The following KATNAL1 variants were observed in gnomAD, a reference collection of about 807,000 sequenced individuals.
KATNAL1 encodes the protein katanin p60 ATPase-containing subunit A-like 1.
In KATNAL1, 32 loss-of-function variants were observed where a neutral mutation model predicts 55.2. The observed-to-expected ratio is 0.58, with a 90% CI of 0.44 to 0.78. The LOEUF is 0.78. KATNAL1 is among the 30% of genes least tolerant of loss of function. The probability of loss-of-function intolerance (pLI) is 0.00; values close to 1 mark genes in which losing one functional copy is unlikely to be tolerated. For synonymous variants in KATNAL1, 193 were observed against 193.6 expected, an observed-to-expected ratio of 1.00 and a Z score of 0.02; for missense variants, 466 against 600.9, an observed-to-expected ratio of 0.78 and a Z score of 2.35.
At chr13:30,277,955 C>A (rs964210984) in intron 3 of KATNAL1, among the ~76,000 whole-genome samples, 1 of 126,470 alleles carries the variant, frequency 7.9e-6, no homozygotes, top group Non-Finnish European at 1.6e-5. Flanking sequence ...TGCACTCCAG[C>A]CTGGGGGACA....
intron 1 of KATNAL1, among the ~76,000 whole-genome samples, chr13:30,306,471 G>A (rs1422549096): frequency 6.6e-6 from 1 of 151,930 alleles, no homozygotes; most frequent in Non-Finnish European, 1.5e-5. Context: ...GTGGGGTGGA[G>A]CACTCATTTC....
intron 9 of KATNAL1, among the ~76,000 whole-genome samples, chr13:30,222,060 A>C (rs1428707369): frequency 6.6e-6 from 1 of 152,168 alleles, no homozygotes; most frequent in Admixed American, 6.5e-5. Flanking sequence ...TCAGAAAGAA[A>C]AAAGAAAAAG....
At chr13:30,220,019 AC>A (rs1874686585) in intron 9 of KATNAL1, among the ~76,000 whole-genome samples, 1 of 152,234 alleles carries the variant, frequency 6.6e-6, no homozygotes, top group Non-Finnish European at 1.5e-5. Flanking sequence ...AGTTCAAAAA[AC>A]AAAAGTTTGA....
intron 3 of KATNAL1, among the ~76,000 whole-genome samples, chr13:30,274,901 GCGCGCGCACACACACACACACACACA>G (rs1283704548): frequency 1.1e-4 from 12 of 111,470 alleles, no homozygotes; most frequent in Admixed American, 7.4e-4. Flanking sequence ...ACGCGCGCGC[GCGCGCGCACACACACACACACACACA>G]CACACACACA....
At position 30,223,553 on chromosome 13, in the gene KATNAL1, G is replaced by A. The variant is rs554966590; in HGVS notation, c.1147+3859C>T. Among the ~76,000 whole-genome samples the A allele has an allele frequency of 5.3e-5, 8 of 151,508 alleles. No individual in the cohort carries two copies. The South Asian group carries it at 1.0e-3, about 20-fold the overall frequency. ...ACAACAACAATAGGAAAAGAAAGAC[G>A]GTAAGGCTAAATTAAAAGCAGTCAA... is the stretch of plus-strand genomic sequence containing the variant. On this transcript the variant is annotated intron_variant, in intron 9 of 10. Transcript: ENST00000380615.
intron 1 of KATNAL1, among the ~76,000 whole-genome samples, chr13:30,298,718 G>A (rs1264914283): frequency 1.3e-5 from 2 of 152,126 alleles, no homozygotes; most frequent in African/African-American, 4.8e-5. Context: ...TCAGTGGACT[G>A]AGGAAGCAAG....
At position 30,274,891 on chromosome 13, in the gene KATNAL1, A is replaced by ACATACGCGCG. The variant is rs55740915; in HGVS notation, c.323+5171_323+5172insCGCGCGTATG. Among the ~76,000 whole-genome samples the ACATACGCGCG allele has an allele frequency of 6.2e-3, 753 of 121,530 alleles. 5 individuals are homozygous for ACATACGCGCG. The highest frequency in any genetic ancestry group is 0.015 in the Admixed American group (178 of 11,714). The allele number at this position is 121,530 out of a possible 152,430, so 79.7% of individuals were successfully genotyped here. On this transcript the variant is annotated intron_variant, in intron 3 of 10. Coordinates refer to ENST00000380615, the MANE Select transcript of KATNAL1 (RefSeq NM_032116.5). ...GGGGGCGGGGTGTGTGCACACACATACGCGCGCGCGCGCGCGCACACACAC... is the reference window on the plus strand; with the variant it reads ...GGGGGCGGGGTGTGTGCACACACATACATACGCGCGCGCGCGCGCGCGCGCGCACACACAC...
At chr13:30,274,907 G>GCGCGCGCGCGCGCGCGCGCGCA (rs869107567) in intron 3 of KATNAL1, among the ~76,000 whole-genome samples, 9 of 105,388 alleles carry the variant, frequency 8.5e-5, no homozygotes, top group Non-Finnish European at 1.4e-4. Flanking sequence ...GCGCGCGCGC[G>GCGCGCGCGCGCGCGCGCGCGCA]CACACACACA....
chr13:30,209,735 AATCTT>A (rs1178043607), intron 10 of KATNAL1, among the ~76,000 whole-genome samples: 1 of 152,260 alleles, frequency 6.6e-6, no homozygotes, highest in Non-Finnish European at 1.5e-5. Context: ...AAGCTAAACT[AATCTT>A]AGGTTGTCAA....
intron 3 of KATNAL1, among the ~76,000 whole-genome samples, chr13:30,270,448 A>G (rs1880237874): frequency 6.6e-6 from 1 of 151,726 alleles, no homozygotes; most frequent in Admixed American, 6.6e-5. Flanking sequence ...AGAACGGGCC[A>G]TGATGACAAT....
intron 9 of KATNAL1, among the ~76,000 whole-genome samples, chr13:30,227,115 T>A (rs1360515557): frequency 3.4e-5 from 5 of 148,362 alleles, no homozygotes; most frequent in African/African-American, 5.0e-5. Flanking sequence ...ACACACACAC[T>A]CTCTCTCTCT....
At chr13:30,233,902 A>G (rs1024436794) in intron 6 of KATNAL1, among the ~76,000 whole-genome samples, 1 of 152,204 alleles carries the variant, frequency 6.6e-6, no homozygotes, top group Non-Finnish European at 1.5e-5. Flanking sequence ...GGATCTCATG[A>G]AGACAGAATA....
intron 3 of KATNAL1, among the ~76,000 whole-genome samples, chr13:30,270,111 C>A (rs1346848858): frequency 8.3e-6 from 1 of 120,668 alleles, no homozygotes; most frequent in African/African-American, 2.9e-5. Context: ...CCGCCCCGTC[C>A]GGGAGGTGAG....
chr13:30,280,765 T>C (rs1881220248), intron 2 of KATNAL1, among the ~76,000 whole-genome samples: 1 of 151,716 alleles, frequency 6.6e-6, no homozygotes, highest in African/African-American at 2.4e-5. Flanking sequence ...ATTTTTGCCT[T>C]ATTTAAATTA....
chr13:30,203,557 G>C lies in KATNAL1; in HGVS notation c.*4983C>G, dbSNP rs1231525027. 2 of 151,998 alleles carry C rather than the reference G, an allele frequency of 1.3e-5. No individual in the cohort carries two copies. Among genetic ancestry groups the C allele is most frequent in the Non-Finnish European group, 2.9e-5 (2 of 67,980 alleles). The allele number at this position is 151,998 out of a possible 1,614,324, so 9.4% of individuals were successfully genotyped here. A position where few individuals can be genotyped will look rare whatever the true frequency, so the allele number is the denominator to read the frequency against. ...CTCTATACAAATTCCCTATTTTTTT[G>C]TGTCAAATTTCCATATGTACAAAAA... On this transcript the variant is annotated 3_prime_UTR_variant, in exon 11 of 11. Coordinates refer to ENST00000380615, the MANE Select transcript of KATNAL1 (RefSeq NM_032116.5).
At chr13:30,240,339 A>G in intron 6 of KATNAL1, 121 bp downstream of exon 6, 1 of 649,550 alleles carries the variant, frequency 1.5e-6, no homozygotes, top group Non-Finnish European at 2.7e-6. Context: ...TTTTGGGTGT[A>G]CATAAACTTC....
chr13:30,283,893 T>G (rs1450190755), intron 1 of KATNAL1, 102 bp from the exon 2 acceptor site: 3 of 772,606 alleles, frequency 3.9e-6, no homozygotes, highest in Non-Finnish European at 3.9e-6. Flanking sequence ...TTTTTTTTTT[T>G]GAAACAGAGA....
At chr13:30,262,573 A>T (rs1402898200) in intron 3 of KATNAL1, among the ~76,000 whole-genome samples, 3 of 152,244 alleles carry the variant, frequency 2.0e-5, no homozygotes, top group South Asian at 4.1e-4. Context: ...AACTACCATC[A>T]GAGAATACTA....
At chr13:30,241,318 T>C (rs927295707) in intron 4 of KATNAL1, among the ~76,000 whole-genome samples, 3 of 152,230 alleles carry the variant, frequency 2.0e-5, no homozygotes, top group Admixed American at 1.3e-4. Context: ...AACAGTTGCA[T>C]GCAGGTAAGA....
Sources: gnomAD v4.1 joint callset for allele counts (sites outside exome capture counted in the v4.1 genomes callset) on GRCh38, gnomAD v4.1.1 for gene constraint, MANE v1.5 for transcripts, NCBI Gene and HGNC (gene_info 2026-07-23, HGNC 2026-07-21) for gene names.